Variants in SEPTIN4 observed in about 807,000 individuals in gnomAD.
The protein encoded by SEPTIN4 is septin-4.
Under a neutral mutation model 107.1 loss-of-function variants are expected in SEPTIN4, and 52 were observed. The ratio of observed to expected loss-of-function variants is 0.49; its 90% CI spans 0.39 to 0.61. SEPTIN4 has a LOEUF of 0.61. SEPTIN4 is among the 20% of genes least tolerant of loss of function. SEPTIN4 has a pLI of 0.00. For missense variants in SEPTIN4, 1,048 were observed against 1,243.5 expected (o/e 0.84, Z 2.36); for synonymous variants, 417 against 467.0 (o/e 0.89, Z 1.38).
At chr17:58,531,978 C>T in intron 3 of SEPTIN4, 2 of 1,146,122 alleles carry the variant, frequency 1.7e-6, no homozygotes, top group Admixed American at 4.8e-5. Flanking sequence ...GCAGCCCGGG[C>T]GGGGCCGGCT....
intron 5 of SEPTIN4, 157 bp from the exon 6 acceptor site, chr17:58,525,938 G>T: frequency 1.2e-6 from 1 of 857,374 alleles, no homozygotes; most frequent in Non-Finnish European, 1.8e-6. Context: ...GAAGCACAGA[G>T]ATTGGCTTGG....
Position 58,521,711 on chromosome 17 carries a change from C to G in SEPTIN4, c.2469+25G>C, listed in dbSNP as rs1467716166. On this transcript the variant is annotated intron_variant, in intron 9 of 13. Coordinates refer to ENST00000672673, the MANE Select transcript of SEPTIN4 (RefSeq NM_001368771.2). The surrounding 1 kb of genome is among the most constrained non-coding windows in gnomAD (Gnocchi z 6.4). The stretch of plus-strand genomic sequence containing the variant: ...ATCCTTTCTAGAAGCCCACCTGATC[C>G]CCTCCCACCACCAGCTTCCCTCACT... 6.2e-7 allele frequency: 1 copy of G among 1,614,242 alleles called. No individual in the cohort carries two copies. The highest frequency in any genetic ancestry group is 8.5e-7 in the Non-Finnish European group (1 of 1,180,042).
Position 58,525,066 on chromosome 17 carries a change from A to T in SEPTIN4, c.2216+12T>A. 1 of 1,614,130 alleles carries T rather than the reference A, an allele frequency of 6.2e-7. No homozygotes were observed. Among genetic ancestry groups the T allele is most frequent in the Non-Finnish European group, 8.5e-7 (1 of 1,179,986 alleles). On this transcript the variant is annotated intron_variant, in intron 7 of 13. Transcript: ENST00000672673. ...CTCAGGGGCAGCTGGGATTGTGCTT[A>T]CTCAGACATACCACTCTGTGTTGTT...
intron 2 of SEPTIN4, among the ~76,000 whole-genome samples, chr17:58,541,394 T>C (rs974183908): frequency 5.9e-5 from 9 of 152,106 alleles, no homozygotes; most frequent in African/African-American, 1.9e-4. Context: ...CTCTTAAGGA[T>C]TCTAGAGCTG....
chr17:58,520,720 C>A, intron 13 of SEPTIN4, 23 bp downstream of exon 13: 1 of 1,613,794 alleles, frequency 6.2e-7, no homozygotes, highest in South Asian at 1.1e-5. Flanking sequence ...GGAGACCTCC[C>A]CTATACCCCA....
chr17:58,523,464 C>G (rs2042503097), intron 7 of SEPTIN4, among the ~76,000 whole-genome samples: 1 of 152,044 alleles, frequency 6.6e-6, no homozygotes, highest in Non-Finnish European at 1.5e-5. Context: ...ACCTGAACCC[C>G]TACAGCTCAG....
chr17:58,537,366 T>C (rs2144241317), intron 3 of SEPTIN4, among the ~76,000 whole-genome samples: 1 of 152,160 alleles, frequency 6.6e-6, no homozygotes, highest in East Asian at 1.9e-4. Flanking sequence ...CCCTGATGAG[T>C]TGGTCAACTT....
At chr17:58,533,347 G>C (rs900162568) in intron 3 of SEPTIN4, among the ~76,000 whole-genome samples, 1 of 152,106 alleles carries the variant, frequency 6.6e-6, no homozygotes, top group African/African-American at 2.4e-5. Context: ...CACCTGTCAG[G>C]GTCTCAATTT....
In SEPTIN4 at chr17:58,526,204, C is replaced by T. The variant is rs200706520; in HGVS notation, c.2005+16G>A. The T allele has an allele frequency of 8.9e-6, 14 of 1,579,336 alleles. No homozygotes were observed. In the African/African-American group the frequency reaches 9.5e-5, roughly 11 times the overall value. ...TGAAACACACCCTGCCCAACCCAGCCCTGCCCCTTTTTTACCTGCCACCAT... is the reference window on the plus strand; with the variant it reads ...TGAAACACACCCTGCCCAACCCAGCTCTGCCCCTTTTTTACCTGCCACCAT... On this transcript the variant is annotated intron_variant, in intron 5 of 13. Coordinates refer to ENST00000672673, the MANE Select transcript of SEPTIN4 (RefSeq NM_001368771.2).
intron 3 of SEPTIN4, chr17:58,529,182 G>A (rs924164827): frequency 1.9e-5 from 31 of 1,614,162 alleles, no homozygotes; most frequent in Middle Eastern, 1.6e-4. Context: ...CATGTCCCAC[G>A]CTTCAGACTC....
rs10719315 is a variant in SEPTIN4 at position 58,520,852 on chromosome 17, GA to G, written c.2832-11del. ...TTCCCGAGTCAGTTTGCTAAAGGGA[GA>G]AAAGGGTTGATAAGGCGAGGAGGAC... is the stretch of plus-strand genomic sequence containing the variant. On this transcript the variant is annotated splice_polypyrimidine_tract_variant and intron_variant, in intron 12 of 13. Coordinates refer to ENST00000672673, the MANE Select transcript of SEPTIN4 (RefSeq NM_001368771.2). The G allele has an allele frequency of 0.39, 627,055 of 1,613,706 alleles. 124,439 individuals are homozygous for G. The highest frequency in any genetic ancestry group is 0.57 in the Admixed American group (34,417 of 59,986).
At chr17:58,531,449 G>A (rs994084469) in intron 3 of SEPTIN4, 1 of 152,374 alleles carries the variant, frequency 6.6e-6, no homozygotes, top group Non-Finnish European at 1.5e-5. Context: ...CCCCTTGTCA[G>A]GCTGAGGGAA....
rs148175967 is a variant in SEPTIN4, at chr17:58,535,002, G to A, written c.1614+5664C>T. ...AGTAGCTAAGTTTCCCTAAAGTGGC[G>A]CAAGAACTAATTGTACATCCCTTCC... On this transcript the variant is annotated intron_variant, in intron 3 of 13. Coordinates refer to ENST00000672673, the MANE Select transcript of SEPTIN4 (RefSeq NM_001368771.2). 5.8e-3 allele frequency among the ~76,000 whole-genome samples: 886 copies of A among 152,292 alleles called. 4 individuals carry two copies. The highest frequency in any genetic ancestry group is 9.3e-3 in the African/African-American group (387 of 41,546).
intron 3 of SEPTIN4, among the ~76,000 whole-genome samples, chr17:58,534,056 T>C (rs2043627840): frequency 1.3e-5 from 2 of 152,206 alleles, no homozygotes; most frequent in African/African-American, 4.8e-5. Context: ...AGCTCTTCTC[T>C]GGCACCTGCT....
At position 58,529,247 on chromosome 17, in the gene SEPTIN4, C is replaced by T; in HGVS notation, c.1615-2269G>A. 3 of 1,613,234 alleles carry T rather than the reference C, an allele frequency of 1.9e-6. No homozygotes were observed. The South Asian group carries it at 3.3e-5, about 18-fold the overall frequency. On this transcript the variant is annotated intron_variant, in intron 3 of 13. Coordinates refer to ENST00000672673, the MANE Select transcript of SEPTIN4 (RefSeq NM_001368771.2). ...TCTCCCAGGCAAAGTTCCTCACACA[C>T]AGAAACAGCCTTGTTTTGATGCTGT...
At chr17:58,526,559 TACAC>T (rs1221831665) in intron 4 of SEPTIN4, 119 bp downstream of exon 4, 1 of 1,312,338 alleles carries the variant, frequency 7.6e-7, no homozygotes, top group Non-Finnish European at 9.5e-7. Context: ...AGGTCCCAGA[TACAC>T]ACACACACAA....
rs1471697144 is a variant in SEPTIN4 at position 58,521,362 on chromosome 17, TA to T, written c.2572-13del. On this transcript the variant is annotated splice_polypyrimidine_tract_variant and intron_variant, in intron 10 of 13. Coordinates refer to ENST00000672673, the MANE Select transcript of SEPTIN4 (RefSeq NM_001368771.2). This position sits in a 1 kb window ranked among gnomAD's most constrained non-coding sequence, Gnocchi z 6.4. ...AATGGGATGCTTTCCTGGAAGAGGT[TA>T]GGGGTGCCTGTCAGCACCCTCTGTT... 3 of 1,612,602 alleles carry T rather than the reference TA, an allele frequency of 1.9e-6. No homozygotes were observed. The highest frequency in any genetic ancestry group is 2.5e-6 in the Non-Finnish European group (3 of 1,178,750).
At position 58,543,056 on chromosome 17, in the gene SEPTIN4, T is replaced by C. The variant is rs973179148; in HGVS notation, c.1131A>G (p.Gln377=). 6.2e-6 allele frequency: 10 copies of C among 1,611,314 alleles called. No homozygotes were observed. The African/African-American group carries it at 8.0e-5, about 13-fold the overall frequency. The change falls in exon 1 of 14, where the codon CAA becomes CAG. Residue 377 remains glutamine, a synonymous_variant. Coordinates refer to ENST00000672673, the MANE Select transcript of SEPTIN4 (RefSeq NM_001368771.2). ...ACATGTAAGTAATTTCTGGGGGTTTTTGGGTTTGCTGTTTATAGATGGGCT... is the reference window on the plus strand; with the variant it reads ...ACATGTAAGTAATTTCTGGGGGTTTCTGGGTTTGCTGTTTATAGATGGGCT... ...TPEPIYKQQT[Q]KPPEITYMSQ... is the part of the protein sequence containing the mutation.
intron 3 of SEPTIN4, chr17:58,531,962 A>T: frequency 1.7e-6 from 2 of 1,146,662 alleles, no homozygotes; most frequent in Non-Finnish European, 2.1e-6. Flanking sequence ...CTGCCTTACC[A>T]TGGCTGCAGC....
Sources: gnomAD v4.1 joint callset for allele counts (sites outside exome capture counted in the v4.1 genomes callset) on GRCh38, gnomAD v4.1.1 for gene constraint, Gnocchi (gnomAD v3.1) non-coding constraint, MANE v1.5 for transcripts, NCBI Gene and HGNC (gene_info 2026-07-23, HGNC 2026-07-21) for gene names.